MYH10: variants seen among roughly 807,000 people sequenced by gnomAD.
The protein encoded by MYH10 is myosin heavy chain 10.
A neutral mutation model predicts 257.8 loss-of-function variants in MYH10; 55 were observed. The ratio of observed to expected loss-of-function variants is 0.21; its 90% CI spans 0.17 to 0.27. The LOEUF is 0.27. Ranked by LOEUF, MYH10 falls within the 10% of genes least tolerant of loss-of-function variation. MYH10 has a pLI of 1.00. For synonymous variants in MYH10, 854 were observed against 921.7 expected (o/e 0.93, Z 1.33); for missense variants, 1,631 against 2,500.6 (o/e 0.65, Z 7.42).
intron 28 of MYH10, among the ~76,000 whole-genome samples, chr17:8,501,357 G>A (rs1185983520): frequency 2.0e-5 from 3 of 152,124 alleles, no homozygotes; most frequent in Admixed American, 6.6e-5. Flanking sequence ...CAAGACACAG[G>A]GTGACATCCC....
chr17:8,533,282 C>T (rs2082053284), intron 16 of MYH10, among the ~76,000 whole-genome samples: 1 of 152,150 alleles, frequency 6.6e-6, no homozygotes, highest in African/African-American at 2.4e-5. Flanking sequence ...GTCCAAATTC[C>T]ACTAGAGATG....
chr17:8,592,194 AT>A (rs1478111186), intron 3 of MYH10, among the ~76,000 whole-genome samples: 2 of 152,214 alleles, frequency 1.3e-5, no homozygotes, highest in Non-Finnish European at 2.9e-5. Context: ...GAATCAAATC[AT>A]TTTCTAAACA....
chr17:8,481,558 C>A, intron 37 of MYH10, 148 bp from the exon 38 acceptor site: 1 of 657,574 alleles, frequency 1.5e-6, no homozygotes, highest in Non-Finnish European at 2.6e-6. Flanking sequence ...ATTAAACTGT[C>A]AAGAAAATCT....
At chr17:8,548,166 C>G in intron 11 of MYH10, 147 bp downstream of exon 11, 1 of 581,460 alleles carries the variant, frequency 1.7e-6, no homozygotes, top group South Asian at 2.3e-5. Context: ...TCAGAGGAAC[C>G]CTCGTGTAAA....
intron 42 of MYH10, 144 bp from the exon 43 acceptor site, chr17:8,476,092 GGGAA>G (rs773793026): frequency 2.9e-5 from 28 of 949,950 alleles, no homozygotes; most frequent in Non-Finnish European, 4.0e-5. Flanking sequence ...CGGTACGATG[GGGAA>G]GGACTGCGTG....
In MYH10 at chr17:8,499,352, G is replaced by A. The variant is rs765363104; in HGVS notation, c.3869C>T (p.Ala1290Val). 9.9e-6 allele frequency: 16 copies of A among 1,613,930 alleles called. No homozygotes were observed. Among genetic ancestry groups the A allele is most frequent in the Middle Eastern group, 1.6e-4 (1 of 6,084 alleles). The change falls in exon 30 of 43, where the codon GCG becomes GTG. Residue 1290 changes from alanine to valine, a missense_variant. By Grantham distance (64) the Ala-to-Val change is moderately conservative. Transcript: ENST00000360416. ...CTTGGCATGGAGCTCCTGGACCTGCGCGTCGAGCTTCTTCCTCTTGTGCTC... is the reference window on the plus strand; with the variant it reads ...CTTGGCATGGAGCTCCTGGACCTGCACGTCGAGCTTCTTCCTCTTGTGCTC... ...ESEHKRKKLDAQVQELHAKVS... is the reference protein window; with the variant it reads ...ESEHKRKKLDVQVQELHAKVS...
At position 8,480,309 on chromosome 17, in the gene MYH10, G is replaced by C. The variant is rs935477334; in HGVS notation, c.5398C>G (p.Leu1800Val). The change falls in exon 40 of 43, where the codon CTG becomes GTG. Residue 1800 changes from leucine to valine, a missense_variant. Physicochemically the swap from Leu to Val is conservative, Grantham distance 32. Coordinates refer to ENST00000360416, the MANE Select transcript of MYH10 (RefSeq NM_001256012.3). ...CGCTCGGCTGCTAGCTCGGCGTTCAGTGTGTCCACCTAGAGAGGAGAGAGG... is the reference window on the plus strand; with the variant it reads ...CGCTCGGCTGCTAGCTCGGCGTTCACTGTGTCCACCTAGAGAGGAGAGAGG... ...FRKTTLQVDTLNAELAAERSA... is the reference protein window; with the variant it reads ...FRKTTLQVDTVNAELAAERSA... The C allele has an allele frequency of 3.1e-6, 5 of 1,613,984 alleles. No homozygotes were observed. Among genetic ancestry groups the C allele is most frequent in the Non-Finnish European group, 4.2e-6 (5 of 1,180,030 alleles).
At chr17:8,563,027 C>G (rs2083048504) in intron 7 of MYH10, among the ~76,000 whole-genome samples, 1 of 152,170 alleles carries the variant, frequency 6.6e-6, no homozygotes, top group African/African-American at 2.4e-5. Flanking sequence ...AGGTTTGTTT[C>G]ATATTCTGAA....
intron 7 of MYH10, among the ~76,000 whole-genome samples, chr17:8,561,950 G>T (rs1203898771): frequency 6.6e-6 from 1 of 152,220 alleles, no homozygotes; most frequent in Non-Finnish European, 1.5e-5. Context: ...GGGGCCTGTG[G>T]TGTGGAAGGA....
intron 14 of MYH10, among the ~76,000 whole-genome samples, chr17:8,539,683 C>A (rs931292449): frequency 6.6e-6 from 1 of 152,012 alleles, no homozygotes; most frequent in Admixed American, 6.6e-5. Flanking sequence ...CAACTCAGGG[C>A]CTCAAAGGAT....
chr17:8,547,380 A>T (rs1000506992), intron 11 of MYH10, among the ~76,000 whole-genome samples: 5 of 152,136 alleles, frequency 3.3e-5, no homozygotes, highest in Non-Finnish European at 7.4e-5. Context: ...CCGCCAATCA[A>T]ACTACTTTGA....
At chr17:8,494,180 A>G (rs907971656) in intron 31 of MYH10, among the ~76,000 whole-genome samples, 1 of 140,350 alleles carries the variant, frequency 7.1e-6, no homozygotes, top group Non-Finnish European at 1.6e-5. Flanking sequence ...CCCCCACCAC[A>G]CCCCGCCTCT....
In MYH10 at chr17:8,515,533, C is replaced by CT. The variant is rs562174128; in HGVS notation, c.2505-1640dup. 4.7e-3 allele frequency among the ~76,000 whole-genome samples: 407 copies of CT among 86,880 alleles called. 69 individuals carry two copies. Among genetic ancestry groups the CT allele is most frequent in the Admixed American group, 0.014 (88 of 6,354 alleles). 57.0% of individuals were successfully genotyped at this position (86,880 alleles called of 152,430 possible). On this transcript the variant is annotated intron_variant, in intron 21 of 42. Transcript: ENST00000360416. Reference sequence around the variant, plus strand: ...ACCAGCCAAAAAGAATTAGCCAAGTCTTTTTTTTTTTTTTTTTTTTTTTTT... The same window carrying CT: ...ACCAGCCAAAAAGAATTAGCCAAGTCTTTTTTTTTTTTTTTTTTTTTTTTTT...
At chr17:8,508,426 A>C in intron 26 of MYH10, 128 bp downstream of exon 26, 1 of 1,342,434 alleles carries the variant, frequency 7.4e-7, no homozygotes, top group Non-Finnish European at 1.0e-6. Flanking sequence ...TAATAAGTCA[A>C]CCCAAACTGA....
chr17:8,525,736 G>A (rs2081821348), intron 17 of MYH10, among the ~76,000 whole-genome samples: 1 of 151,894 alleles, frequency 6.6e-6, no homozygotes, highest in Non-Finnish European at 1.5e-5. Flanking sequence ...ATTTTAATAC[G>A]GACAATCCAA....
intron 17 of MYH10, among the ~76,000 whole-genome samples, chr17:8,528,954 A>T (rs2081937630): frequency 6.6e-6 from 1 of 152,208 alleles, no homozygotes; most frequent in South Asian, 2.1e-4. Context: ...ACTCAACCAA[A>T]GGACACCTCA....
At chr17:8,629,294 T>C (rs1327202633) in intron 1 of MYH10, among the ~76,000 whole-genome samples, 1 of 152,132 alleles carries the variant, frequency 6.6e-6, no homozygotes, top group African/African-American at 2.4e-5. Context: ...ACAGCAGTCT[T>C]TGTTTCATCT....
At chr17:8,621,119 G>A (rs371594792) in intron 2 of MYH10, among the ~76,000 whole-genome samples, 3 of 152,162 alleles carry the variant, frequency 2.0e-5, no homozygotes, top group African/African-American at 7.2e-5. Context: ...TAAGGTGAAG[G>A]CTGGCAGAAA....
At chr17:8,628,868 G>C (rs2085781938) in intron 1 of MYH10, among the ~76,000 whole-genome samples, 1 of 152,158 alleles carries the variant, frequency 6.6e-6, no homozygotes, top group Non-Finnish European at 1.5e-5. Context: ...AGCTGCCTTC[G>C]TTATAATGAT....
Sources: allele counts gnomAD v4.1 joint callset (sites outside exome capture counted in the v4.1 genomes callset), GRCh38; gene constraint gnomAD v4.1.1; transcripts MANE v1.5; gene names NCBI Gene and HGNC (gene_info 2026-07-23, HGNC 2026-07-21).